GALNT13: variants seen among roughly 807,000 people sequenced by gnomAD.
GALNT13 encodes UDP-GalNAc:polypeptide N-acetylgalactosaminyltransferase 13.
GALNT13 carries 28 observed loss-of-function variants against 64.2 expected under a neutral mutation model. The ratio of observed to expected loss-of-function variants is 0.44; its 90% confidence interval spans 0.32 to 0.60. The LOEUF is 0.60. GALNT13 is among the 20% of genes least tolerant of loss of function. The pLI is 0.05. For synonymous variants in GALNT13, 214 were observed against 224.6 expected, an observed-to-expected ratio of 0.95 and a Z score of 0.42; for missense variants, 577 against 669.8, an observed-to-expected ratio of 0.86 and a Z score of 1.53.
chr2:153,390,144 A>C, the GALNT13 span, among the ~76,000 whole-genome samples: 2 of 152,166 alleles, frequency 1.3e-5, no homozygotes, highest in East Asian at 3.9e-4. Context: ...AAATAGGATG[A>C]GTTCATGTCT....
chr2:153,566,363 T>TTTTG, the GALNT13 span, among the ~76,000 whole-genome samples: 1 of 143,434 alleles, frequency 7.0e-6, no homozygotes, highest in African/African-American at 2.7e-5. Flanking sequence ...TTTTTTTTTT[T>TTTTG]TTTTTTTTTG....
Position 154,298,650 on chromosome 2 carries a change from G to GTATATATAATTTA in GALNT13, c.976-2753_976-2752insTAATTTATATATA, listed in dbSNP as rs1559075850. ...TGTATATATAATTTATATATACATT[G>GTATATATAATTTA]TATATACAATTTATATATACATTGT... On this transcript the variant is annotated intron_variant, in intron 8 of 12. Transcript: ENST00000392825. Among the ~76,000 whole-genome samples, 133 of 69,584 alleles carry GTATATATAATTTA rather than the reference G, an allele frequency of 1.9e-3. 35 individuals carry two copies. The highest frequency in any genetic ancestry group is 6.0e-3 in the African/African-American group (114 of 18,910). 45.6% of individuals were successfully genotyped at this position (69,584 alleles called of 152,430 possible). A position where few individuals can be genotyped will look rare whatever the true frequency, so the allele number is the denominator to read the frequency against.
intron 4 of GALNT13, among the ~76,000 whole-genome samples, chr2:154,234,660 TA>T (rs921106435): frequency 5.3e-5 from 8 of 152,186 alleles, no homozygotes; most frequent in African/African-American, 1.7e-4. Flanking sequence ...AAATGTTTTT[TA>T]AAAAGGTATT....
the GALNT13 span, among the ~76,000 whole-genome samples, chr2:153,385,153 C>A: frequency 4.6e-5 from 7 of 152,114 alleles, no homozygotes; most frequent in African/African-American, 1.7e-4. Context: ...AAAAATTGAG[C>A]TACCATATGA....
At chr2:154,097,352 T>G (rs1015582722) in intron 3 of GALNT13, among the ~76,000 whole-genome samples, 3 of 151,968 alleles carry the variant, frequency 2.0e-5, no homozygotes, top group African/African-American at 7.2e-5. Context: ...CTATTACAGG[T>G]TAATGATGTG....
chr2:153,197,072 AGGT>A, the GALNT13 span, among the ~76,000 whole-genome samples: 10 of 152,124 alleles, frequency 6.6e-5, no homozygotes, highest in East Asian at 5.8e-4. Context: ...AGGTGAGTGT[AGGT>A]GGTGGTGGTG....
chr2:154,306,931 G>A (rs1240148494), intron 9 of GALNT13, among the ~76,000 whole-genome samples: 1 of 151,834 alleles, frequency 6.6e-6, no homozygotes, highest in Admixed American at 6.6e-5. Context: ...TAATTTGTTA[G>A]TCCTACAAAG....
At chr2:154,225,374 C>T (rs1212324273) in intron 4 of GALNT13, among the ~76,000 whole-genome samples, 1 of 151,908 alleles carries the variant, frequency 6.6e-6, no homozygotes, top group Non-Finnish European at 1.5e-5. Flanking sequence ...ATGGGAAAAC[C>T]AAAACTGTTC....
the GALNT13 span, among the ~76,000 whole-genome samples, chr2:153,103,597 G>A: frequency 6.6e-6 from 1 of 152,234 alleles, no homozygotes; most frequent in East Asian, 1.9e-4. Flanking sequence ...CAGAGTGAAT[G>A]ATGCCAACGC....
chr2:154,442,683 A>G (rs1180017510), intron 12 of GALNT13, among the ~76,000 whole-genome samples: 2 of 152,128 alleles, frequency 1.3e-5, no homozygotes, highest in Non-Finnish European at 2.9e-5. Flanking sequence ...TTTGAACATT[A>G]TAATTATGTT....
At chr2:154,027,475 C>A (rs1428279954) in intron 3 of GALNT13, among the ~76,000 whole-genome samples, 1 of 152,048 alleles carries the variant, frequency 6.6e-6, no homozygotes. Context: ...CAACATATAC[C>A]TAATTAATGA....
At chr2:153,121,094 C>T in the GALNT13 span, among the ~76,000 whole-genome samples, 1 of 152,104 alleles carries the variant, frequency 6.6e-6, no homozygotes, top group Admixed American at 6.6e-5. Context: ...AAGAGAAAAA[C>T]ATGATGGCAT....
At chr2:154,220,010 G>A (rs1007244922) in intron 4 of GALNT13, among the ~76,000 whole-genome samples, 1 of 152,004 alleles carries the variant, frequency 6.6e-6, no homozygotes, top group African/African-American at 2.4e-5. Context: ...GGTGTGTTGT[G>A]CCTCATACTT....
At chr2:153,948,703 A>G (rs918092084) in intron 3 of GALNT13, among the ~76,000 whole-genome samples, 4 of 152,138 alleles carry the variant, frequency 2.6e-5, no homozygotes, top group African/African-American at 9.6e-5. Context: ...TGTCCTTTGC[A>G]GGGACGTGGA....
chr2:153,794,912 C>T, the GALNT13 span, among the ~76,000 whole-genome samples: 4 of 152,156 alleles, frequency 2.6e-5, no homozygotes, highest in Non-Finnish European at 5.9e-5. Flanking sequence ...GAAGAACTGT[C>T]ATTCATATCT....
the GALNT13 span, among the ~76,000 whole-genome samples, chr2:153,539,903 T>G: frequency 6.6e-6 from 1 of 152,220 alleles, no homozygotes; most frequent in Middle Eastern, 3.4e-3. Context: ...ATTTAAGAGG[T>G]GACCGAGCAT....
At chr2:153,787,678 A>C in the GALNT13 span, among the ~76,000 whole-genome samples, 1 of 152,214 alleles carries the variant, frequency 6.6e-6, no homozygotes, top group African/African-American at 2.4e-5. Context: ...AACATAATCC[A>C]AGGAAACTAA....
the GALNT13 span, among the ~76,000 whole-genome samples, chr2:153,389,825 C>T: frequency 6.6e-6 from 1 of 151,982 alleles, no homozygotes; most frequent in Non-Finnish European, 1.5e-5. Flanking sequence ...TTCTCTGAGA[C>T]TCAATATCTG....
At chr2:154,324,538 G>A (rs1442928874) in intron 9 of GALNT13, among the ~76,000 whole-genome samples, 1 of 152,060 alleles carries the variant, frequency 6.6e-6, no homozygotes, top group African/African-American at 2.4e-5. Context: ...TTGGTCCATG[G>A]GGATAGGGTA....
Sources: gnomAD v4.1 joint callset for allele counts (sites outside exome capture counted in the v4.1 genomes callset) on GRCh38, gnomAD v4.1.1 for gene constraint, MANE v1.5 for transcripts, NCBI Gene and HGNC (gene_info 2026-07-23, HGNC 2026-07-21) for gene names.